TLL2: variants seen among roughly 807,000 people sequenced by gnomAD.
TLL2 encodes the protein tolloid-like protein 2.
Under a neutral mutation model 123.0 loss-of-function variants are expected in TLL2, and 106 were observed. The ratio of observed to expected loss-of-function variants is 0.86; its 90% CI spans 0.74 to 1.01. The LOEUF is 1.01. TLL2 is among the 50% of genes least tolerant of loss of function. The pLI, the probability that TLL2 is intolerant of heterozygous loss-of-function variation, is 0.00. For synonymous variants in TLL2, 494 were observed against 516.8 expected (o/e 0.96, Z 0.60); for missense variants, 1,332 against 1,336.7 (o/e 1.00, Z 0.06).
chr10:96,508,520 C>G (rs1218136571), intron 1 of TLL2, among the ~76,000 whole-genome samples: 2 of 152,188 alleles, frequency 1.3e-5, no homozygotes, highest in Non-Finnish European at 2.9e-5. Flanking sequence ...ATGGGACCCA[C>G]AGCTGTGAAG....
At chr10:96,498,486 A>C (rs1194319552) in intron 1 of TLL2, among the ~76,000 whole-genome samples, 1 of 151,740 alleles carries the variant, frequency 6.6e-6, no homozygotes, top group Non-Finnish European at 1.5e-5. Flanking sequence ...CATTTTCCTC[A>C]TAAAGGTCCA....
chr10:96,453,451 G>C (rs957831007), intron 2 of TLL2, among the ~76,000 whole-genome samples: 1 of 151,948 alleles, frequency 6.6e-6, no homozygotes, highest in African/African-American at 2.4e-5. Flanking sequence ...ATGAGACTCT[G>C]TCTCAAAAAA....
intron 2 of TLL2, among the ~76,000 whole-genome samples, chr10:96,454,674 G>A (rs1269261392): frequency 6.6e-6 from 1 of 152,154 alleles, no homozygotes; most frequent in Admixed American, 6.5e-5. Flanking sequence ...ATTTATTGTT[G>A]TATATCAAAC....
At chr10:96,438,904 G>C (rs1448449959) in intron 3 of TLL2, among the ~76,000 whole-genome samples, 1 of 151,956 alleles carries the variant, frequency 6.6e-6, no homozygotes, top group East Asian at 1.9e-4. Context: ...TTCATCAATT[G>C]CTGTGATAAT....
At chr10:96,398,581 G>GAA (rs1846362119) in intron 10 of TLL2, among the ~76,000 whole-genome samples, 1 of 152,146 alleles carries the variant, frequency 6.6e-6, no homozygotes, top group South Asian at 2.1e-4. Flanking sequence ...CTGAAATCTG[G>GAA]AGCCTCCACA....
chr10:96,384,027 T>C (rs767632768), intron 16 of TLL2, among the ~76,000 whole-genome samples: 3 of 152,158 alleles, frequency 2.0e-5, no homozygotes, highest in Non-Finnish European at 4.4e-5. Context: ...TACTTGGAAA[T>C]AGTGTCTCTG....
At chr10:96,390,781 G>A (rs759100365) in intron 13 of TLL2, among the ~76,000 whole-genome samples, 3 of 152,198 alleles carry the variant, frequency 2.0e-5, no homozygotes, top group African/African-American at 7.2e-5. Flanking sequence ...CCTGACCTGC[G>A]CTGTCTGATA....
chr10:96,452,033 C>T (rs1009520858), intron 2 of TLL2, among the ~76,000 whole-genome samples: 3 of 152,268 alleles, frequency 2.0e-5, no homozygotes, highest in Non-Finnish European at 4.4e-5. Flanking sequence ...CTTATTCCTA[C>T]TCCATTCATT....
intron 1 of TLL2, among the ~76,000 whole-genome samples, chr10:96,501,026 G>A (rs1290638454): frequency 6.6e-6 from 1 of 152,178 alleles, no homozygotes; most frequent in Non-Finnish European, 1.5e-5. Flanking sequence ...AGTAGGTACA[G>A]CATTTTCAGG....
intron 2 of TLL2, among the ~76,000 whole-genome samples, chr10:96,447,262 G>A (rs567424214): frequency 8.5e-5 from 13 of 152,238 alleles, no homozygotes; most frequent in East Asian, 1.9e-4. Context: ...AGGCCCACAC[G>A]GCCTTGCCAA....
chr10:96,491,356 T>C (rs1388347843), intron 1 of TLL2, among the ~76,000 whole-genome samples: 3 of 144,388 alleles, frequency 2.1e-5, no homozygotes, highest in Non-Finnish European at 4.5e-5. Context: ...CACTCTAGCC[T>C]GAGCAACAAG....
At chr10:96,395,522 C>T in intron 12 of TLL2, 140 bp from the exon 13 acceptor site, 2 of 816,274 alleles carry the variant, frequency 2.5e-6, no homozygotes, top group South Asian at 4.2e-5. Context: ...TCTCTCCATG[C>T]TGCTTCCTAG....
At chr10:96,388,074 G>A (rs1846254482) in intron 13 of TLL2, among the ~76,000 whole-genome samples, 1 of 152,022 alleles carries the variant, frequency 6.6e-6, no homozygotes, top group African/African-American at 2.4e-5. Context: ...GGAGAGTTCA[G>A]GTCCACAGCA....
intron 2 of TLL2, among the ~76,000 whole-genome samples, chr10:96,479,462 CA>C (rs1847290168): frequency 6.6e-6 from 1 of 152,054 alleles, no homozygotes; most frequent in Non-Finnish European, 1.5e-5. Flanking sequence ...CATACATGAG[CA>C]GCCTGGAAGA....
At chr10:96,476,740 G>A (rs933586230) in intron 2 of TLL2, among the ~76,000 whole-genome samples, 9 of 151,980 alleles carry the variant, frequency 5.9e-5, no homozygotes, top group East Asian at 3.9e-4. Context: ...CACTACTGCC[G>A]TTAAAATAAG....
intron 1 of TLL2, among the ~76,000 whole-genome samples, chr10:96,496,834 G>C (rs1187326434): frequency 6.6e-6 from 1 of 152,174 alleles, no homozygotes; most frequent in African/African-American, 2.4e-5. Flanking sequence ...CCACTCAATG[G>C]GTGGTGCTTC....
At chr10:96,397,495 A>C (rs944755012) in intron 10 of TLL2, among the ~76,000 whole-genome samples, 193 bp from the exon 11 acceptor site, 2 of 152,178 alleles carry the variant, frequency 1.3e-5, no homozygotes, top group African/African-American at 4.8e-5. Context: ...TGTGTGACTT[A>C]ATTCTTTTTC....
rs747239609 is a variant in TLL2 at position 96,405,269 on chromosome 10, C to T, written c.1230G>A (p.Glu410=). ...CTTTTCTCCAGTAACCATCCCGGAC[C>T]TCCACGTAATCATACCAGCACAGTC... ...KSRLCWYDYV[E]VRDGYWRKAP... is the part of the protein sequence containing the mutation. The change falls in exon 10 of 21, where the codon GAG becomes GAA. Residue 410 remains glutamate, a synonymous_variant. Transcript: ENST00000357947. 1 of 1,614,148 alleles carries T rather than the reference C, an allele frequency of 6.2e-7. No homozygotes were observed. Among genetic ancestry groups the T allele is most frequent in the East Asian group, 2.2e-5 (1 of 44,890 alleles).
intron 1 of TLL2, among the ~76,000 whole-genome samples, chr10:96,497,930 G>A (rs1043860768): frequency 1.3e-5 from 2 of 152,232 alleles, no homozygotes; most frequent in Non-Finnish European, 2.9e-5. Flanking sequence ...GCTTAATTGG[G>A]CAGAATATGA....
Sources: allele counts gnomAD v4.1 joint callset (sites outside exome capture counted in the v4.1 genomes callset), GRCh38; gene constraint gnomAD v4.1.1; transcripts MANE v1.5; gene names NCBI Gene and HGNC (gene_info 2026-07-23, HGNC 2026-07-21).